SBF2: variants seen among roughly 807,000 people sequenced by gnomAD.
The protein encoded by SBF2 is SET binding factor 2, also known as myotubularin-related protein 13.
A neutral mutation model predicts 225.2 loss-of-function variants in SBF2; 112 were observed. The observed-to-expected ratio is 0.50, with a 90% CI of 0.43 to 0.58. The LOEUF is 0.58. Among genes scored for constraint, SBF2 ranks in the 20% least tolerant of loss-of-function variants. The probability of loss-of-function intolerance (pLI) is 0.00; values close to 1 mark genes in which losing one functional copy is unlikely to be tolerated. For synonymous variants in SBF2, 763 were observed against 773.3 expected (o/e 0.99, Z 0.22); for missense variants, 1,996 against 2,206.2 (o/e 0.90, Z 1.91).
intron 2 of SBF2, among the ~76,000 whole-genome samples, chr11:10,047,311 C>A (rs1565171068): frequency 6.6e-6 from 1 of 151,988 alleles, no homozygotes; most frequent in Non-Finnish European, 1.5e-5. Context: ...TCCAGGATAG[C>A]CAATACAATA....
At chr11:9,913,095 G>A (rs1862778226) in intron 16 of SBF2, among the ~76,000 whole-genome samples, 1 of 152,056 alleles carries the variant, frequency 6.6e-6, no homozygotes, top group African/African-American at 2.4e-5. Context: ...ACCAGCCTGG[G>A]CAACATGGTG....
intron 1 of SBF2, among the ~76,000 whole-genome samples, chr11:10,258,676 A>ATG (rs1961127022): frequency 1.3e-5 from 2 of 152,264 alleles, no homozygotes; most frequent in Non-Finnish European, 2.9e-5. Flanking sequence ...GCTGAGGGCC[A>ATG]GTGACCATGT....
At chr11:9,957,163 T>C (rs1227945141) in intron 16 of SBF2, 1 of 152,228 alleles carries the variant, frequency 6.6e-6, no homozygotes, top group Non-Finnish European at 1.5e-5. Flanking sequence ...GACAAGTATA[T>C]GTCTTTTAAA....
At position 10,115,401 on chromosome 11, in the gene SBF2, T is replaced by C. The variant is rs1447464830; in HGVS notation, c.142-72420A>G. Among the ~76,000 whole-genome samples the C allele has an allele frequency of 4.6e-5, 7 of 152,190 alleles. No homozygotes were observed. The East Asian group carries it at 1.3e-3, about 29-fold the overall frequency. ...TAAGTAAATTCAAAAAATGGTGTCT[T>C]CCATGTATTCCTTGCAACCACCCTG... is the stretch of plus-strand genomic sequence containing the variant. On this transcript the variant is annotated intron_variant, in intron 2 of 39. Transcript: ENST00000256190.
intron 17 of SBF2, among the ~76,000 whole-genome samples, chr11:9,894,293 C>T (rs369318443): frequency 7.2e-5 from 11 of 151,932 alleles, no homozygotes; most frequent in Non-Finnish European, 1.3e-4. Flanking sequence ...CCAAGGCAGG[C>T]GGATCACAAG....
At chr11:10,060,295 T>C (rs1290214961) in intron 2 of SBF2, among the ~76,000 whole-genome samples, 17 of 151,998 alleles carry the variant, frequency 1.1e-4, no homozygotes, top group Non-Finnish European at 2.1e-4. Context: ...ATTAATAAAT[T>C]CCTGGACACA....
intron 13 of SBF2, among the ~76,000 whole-genome samples, chr11:9,980,991 A>G (rs966987791): frequency 6.6e-6 from 1 of 152,272 alleles, no homozygotes; most frequent in Non-Finnish European, 1.5e-5. Flanking sequence ...CCTCAAAGAA[A>G]GATCACATTC....
chr11:10,005,797 C>T (rs1487544194), intron 6 of SBF2, among the ~76,000 whole-genome samples: 1 of 152,074 alleles, frequency 6.6e-6, no homozygotes, highest in African/African-American at 2.4e-5. Context: ...GTGTTTAACC[C>T]CTGTACACAG....
At chr11:10,032,001 A>G (rs1234869310) in intron 3 of SBF2, among the ~76,000 whole-genome samples, 2 of 152,188 alleles carry the variant, frequency 1.3e-5, no homozygotes, top group African/African-American at 4.8e-5. Context: ...TTATGCTTCC[A>G]AAGTGCTGGA....
rs2134469840 is a variant in SBF2, at chr11:9,992,497, G to C, written c.1214C>G (p.Thr405Ser). Residue 405 changes from threonine (T) to serine (S), a missense_variant, in exon 12 of 40, where the codon ACT (threonine) becomes AGT (serine). Thr to Ser is a moderately conservative substitution (Grantham distance 58). Transcript: ENST00000256190. ...AAATGCCATTCCACTGAGTACTTTAGTGAGGAAATCATTCTCGACCAAACC... is the reference window on the plus strand; with the variant it reads ...AAATGCCATTCCACTGAGTACTTTACTGAGGAAATCATTCTCGACCAAACC... ...QRGLVENDFL[T>S]KVLSGMAFAG... The C allele has an allele frequency of 6.2e-7, 1 of 1,613,262 alleles. No individual in the cohort carries two copies. The highest frequency in any genetic ancestry group is 1.7e-5 in the Admixed American group (1 of 59,970).
chr11:10,262,999 A>C (rs1219466975), intron 1 of SBF2, among the ~76,000 whole-genome samples: 1 of 152,116 alleles, frequency 6.6e-6, no homozygotes, highest in Non-Finnish European at 1.5e-5. Context: ...TAAAATTAAT[A>C]AATATTTTAT....
chr11:10,005,517 C>A (rs546434745), intron 6 of SBF2, among the ~76,000 whole-genome samples: 2 of 152,138 alleles, frequency 1.3e-5, no homozygotes, highest in Non-Finnish European at 2.9e-5. Context: ...TCCTTTCATT[C>A]CTGCTCTAAT....
chr11:10,113,434 T>A (rs1952975779), intron 2 of SBF2, among the ~76,000 whole-genome samples: 1 of 152,228 alleles, frequency 6.6e-6, no homozygotes, highest in South Asian at 2.1e-4. Context: ...GATATTTTTC[T>A]ATAGCAATTA....
intron 15 of SBF2, 28 bp from the exon 16 acceptor site, chr11:9,962,134 A>C (rs775228024): frequency 1.9e-6 from 3 of 1,609,044 alleles, no homozygotes; most frequent in Non-Finnish European, 2.6e-6. Flanking sequence ...ACAAATGACC[A>C]AATGGTACCA....
intron 26 of SBF2, chr11:9,839,227 C>G: frequency 2.2e-6 from 1 of 449,454 alleles, no homozygotes; most frequent in Non-Finnish European, 4.1e-6. Context: ...TTTAGTCATG[C>G]TAGAAAAGAA....
At chr11:10,045,793 TG>T (rs1450059907) in intron 2 of SBF2, among the ~76,000 whole-genome samples, 2 of 152,142 alleles carry the variant, frequency 1.3e-5, no homozygotes, top group Non-Finnish European at 2.9e-5. Context: ...AGTCCTATAT[TG>T]TTAAAGAAAC....
chr11:10,030,031 T>A (rs945723470), intron 4 of SBF2, among the ~76,000 whole-genome samples, 156 bp from the exon 5 acceptor site: 10 of 152,256 alleles, frequency 6.6e-5, no homozygotes, highest in African/African-American at 2.4e-4. Context: ...TTAAGTTTAT[T>A]AAATTTTCCT....
chr11:9,936,694 T>C (rs771176671), intron 16 of SBF2, among the ~76,000 whole-genome samples: 3 of 151,930 alleles, frequency 2.0e-5, no homozygotes, highest in South Asian at 2.1e-4. Flanking sequence ...CAGCAAACTA[T>C]CACAAAGACA....
intron 28 of SBF2, among the ~76,000 whole-genome samples, chr11:9,826,030 T>C (rs1218604370): frequency 6.6e-6 from 1 of 152,200 alleles, no homozygotes; most frequent in Non-Finnish European, 1.5e-5. Flanking sequence ...AATGTATGGA[T>C]GACAAAAGGC....
Sources: allele counts gnomAD v4.1 joint callset (sites outside exome capture counted in the v4.1 genomes callset), GRCh38; gene constraint gnomAD v4.1.1; transcripts MANE v1.5; gene names NCBI Gene and HGNC (gene_info 2026-07-23, HGNC 2026-07-21).